Variants in SLC5A3 observed in about 807,000 individuals in gnomAD.
SLC5A3 encodes solute carrier family 5 member 3.
Under a neutral mutation model 43.2 loss-of-function variants are expected in SLC5A3, and 10 were observed. That is an observed-to-expected ratio of 0.23 (90% CI 0.14 to 0.39). The LOEUF (loss-of-function observed/expected upper bound fraction) is 0.39. SLC5A3 is among the 10% of genes least tolerant of loss of function. The pLI is 1.00. For missense variants in SLC5A3, 608 were observed against 893.4 expected, an observed-to-expected ratio of 0.68 and a Z score of 4.07; for synonymous variants, 349 against 322.0, an observed-to-expected ratio of 1.08 and a Z score of -0.90.
Position 34,097,319 on chromosome 21 carries a change from A to T in SLC5A3, c.2121A>T (p.Ser707=). The change falls in exon 2 of 2, where the codon TCA becomes TCT. Residue 707 remains serine, a synonymous_variant. Coordinates refer to ENST00000381151, the MANE Select transcript of SLC5A3 (RefSeq NM_006933.7). ...ILNIGLFAVC[S]LGIFMFVYFS... ...ATATTGGACTTTTTGCTGTGTGTTC[A>T]CTTGGAATTTTCATGTTTGTTTATT... 3 of 1,608,480 alleles carry T rather than the reference A, an allele frequency of 1.9e-6. No homozygotes were observed. The highest frequency in any genetic ancestry group is 2.5e-6 in the Non-Finnish European group (3 of 1,177,692).
At chr21:34,094,650 C>T (rs2105487) in intron 1 of SLC5A3, among the ~76,000 whole-genome samples, 152,350 of 152,350 alleles carry the variant, frequency 1, 76,175 homozygotes, top group Non-Finnish European at 1. Flanking sequence ...TTTCTGTCCT[C>T]AGCTCAAAAT....
chr21:34,095,682 G>C lies in SLC5A3; in HGVS notation c.484G>C (p.Val162Leu), dbSNP rs761920535. 8 of 1,613,604 alleles carry C rather than the reference G, an allele frequency of 5.0e-6. No homozygotes were observed. Among genetic ancestry groups the C allele is most frequent in the Non-Finnish European group, 6.8e-6 (8 of 1,179,920 alleles). The change falls in exon 2 of 2, where the codon GTC becomes CTC. Residue 162 changes from valine (V) to leucine (L), a missense_variant. This residue lies in a region of SLC5A3 where 398 missense variants were observed against 668.6 expected (regional missense o/e 0.60). Transcript: ENST00000381151. The part of the protein sequence containing the change: ...ESLGWNLYVS[V>L]ILLIGMTALL... ...TTTGGGTTGGAATCTTTATGTGTCT[G>C]TCATCCTGCTCATTGGCATGACTGC...
intron 1 of SLC5A3, among the ~76,000 whole-genome samples, chr21:34,074,468 G>T (rs115074417): frequency 0.021 from 3,238 of 152,268 alleles, 124 homozygotes; most frequent in African/African-American, 0.073. Context: ...GCTTTTGATT[G>T]ATCTTGAGGT....
At position 34,105,675 on chromosome 21, in the gene SLC5A3, A is replaced by C; in HGVS notation, c.*8320A>C. ...GTGATTATAAATGAAGTTGATGAACATTAATTTTGTTATTAGTGAGTTTTT... is the reference window on the plus strand; with the variant it reads ...GTGATTATAAATGAAGTTGATGAACCTTAATTTTGTTATTAGTGAGTTTTT... On this transcript the variant is annotated 3_prime_UTR_variant, in exon 2 of 2. Coordinates refer to ENST00000381151, the MANE Select transcript of SLC5A3 (RefSeq NM_006933.7). 1.0e-6 allele frequency: 1 copy of C among 997,756 alleles called. No individual in the cohort carries two copies. Among genetic ancestry groups the C allele is most frequent in the Non-Finnish European group, 1.2e-6 (1 of 827,756 alleles). 61.8% of individuals were successfully genotyped at this position (997,756 alleles called of 1,614,324 possible). A position where few individuals can be genotyped will look rare whatever the true frequency, so the allele number is the denominator to read the frequency against.
rs1978928688 is a variant in SLC5A3 at position 34,095,595 on chromosome 21, C to A, written c.397C>A (p.Leu133Ile). ...CTATTTTGCAGCCTTGTCTCTGATT[C>A]TCTATATTTTCACCAAGCTCTCGGT... Reference protein sequence around the residue: ...QVYFAALSLILYIFTKLSVDL... With the variant: ...QVYFAALSLIIYIFTKLSVDL... The change falls in exon 2 of 2, where the codon CTC (leucine) becomes ATC (isoleucine). Residue 133 changes from leucine (L) to isoleucine (I), a missense_variant. By Grantham distance (5) the Leu-to-Ile change is conservative (BLOSUM62 2). Coordinates refer to ENST00000381151, the MANE Select transcript of SLC5A3 (RefSeq NM_006933.7). The A allele has an allele frequency of 6.2e-7, 1 of 1,613,460 alleles. No individual in the cohort carries two copies.
At position 34,100,975 on chromosome 21, in the gene SLC5A3, T is replaced by G. The variant is rs920931645; in HGVS notation, c.*3620T>G. 9.0e-6 allele frequency: 9 copies of G among 1,000,092 alleles called. No individual in the cohort carries two copies. In the African/African-American group the frequency reaches 1.4e-4, roughly 16 times the overall value. The allele number at this position is 1,000,092 out of a possible 1,614,324, so 62.0% of individuals were successfully genotyped here. A position where few individuals can be genotyped will look rare whatever the true frequency, so the allele number is the denominator to read the frequency against. On this transcript the variant is annotated 3_prime_UTR_variant, in exon 2 of 2. Coordinates refer to ENST00000381151, the MANE Select transcript of SLC5A3 (RefSeq NM_006933.7). ...TTATGATGATTCTCCTGGCTCATTT[T>G]CATCAGAGGCATGATGACTGGAAAG... is the stretch of plus-strand genomic sequence containing the variant.
chr21:34,083,807 A>G (rs1423196333), intron 1 of SLC5A3, among the ~76,000 whole-genome samples: 1 of 152,208 alleles, frequency 6.6e-6, no homozygotes, highest in Non-Finnish European at 1.5e-5. Flanking sequence ...TTGTGTGTGT[A>G]AGAAGATTGA....
chr21:34,074,851 C>CT (rs1355855564), intron 1 of SLC5A3, among the ~76,000 whole-genome samples: 2 of 152,228 alleles, frequency 1.3e-5, no homozygotes, highest in African/African-American at 4.8e-5. Flanking sequence ...AATTGATAAA[C>CT]TAACAATCAC....
At chr21:34,090,137 C>A (rs1479978167) in intron 1 of SLC5A3, among the ~76,000 whole-genome samples, 3 of 152,220 alleles carry the variant, frequency 2.0e-5, no homozygotes, top group Admixed American at 6.5e-5. Flanking sequence ...GATACTTAAT[C>A]TGTAGTGTTG....
At chr21:34,085,342 G>A (rs1051994060) in intron 1 of SLC5A3, among the ~76,000 whole-genome samples, 1 of 152,102 alleles carries the variant, frequency 6.6e-6, no homozygotes, top group South Asian at 2.1e-4. Flanking sequence ...GCATCACACC[G>A]GGAGGCATAC....
intron 1 of SLC5A3, among the ~76,000 whole-genome samples, chr21:34,094,434 C>T (rs1328255668): frequency 6.6e-6 from 1 of 152,214 alleles, no homozygotes; most frequent in African/African-American, 2.4e-5. Flanking sequence ...AAAGTTACCC[C>T]CAAACTCTCT....
At position 34,104,746 on chromosome 21, in the gene SLC5A3, G is replaced by C; in HGVS notation, c.*7391G>C. 1.0e-6 allele frequency: 1 copy of C among 1,000,228 alleles called. No homozygotes were observed. Among genetic ancestry groups the C allele is most frequent in the Non-Finnish European group, 1.2e-6 (1 of 830,006 alleles). The allele number at this position is 1,000,228 out of a possible 1,614,324, so 62.0% of individuals were successfully genotyped here. A position where few individuals can be genotyped will look rare whatever the true frequency, so the allele number is the denominator to read the frequency against. ...GAAGTGCAGGAAAGAGAAGTTTGAG[G>C]AACACCCTTGGCTTAGCAACATGTG... is the stretch of plus-strand genomic sequence containing the variant. On this transcript the variant is annotated 3_prime_UTR_variant, in exon 2 of 2. Coordinates refer to ENST00000381151, the MANE Select transcript of SLC5A3 (RefSeq NM_006933.7).
rs1013763548 is a variant in SLC5A3 at position 34,105,562 on chromosome 21, G to T, written c.*8207G>T. The T allele has an allele frequency of 1.0e-6, 1 of 999,732 alleles. No homozygotes were observed. The highest frequency in any genetic ancestry group is 1.2e-6 in the Non-Finnish European group (1 of 829,756). The allele number at this position is 999,732 out of a possible 1,614,324, so 61.9% of individuals were successfully genotyped here. ...CCCAGTGTCCTGCTTATGATGCTTT[G>T]TTCAGATTTTTTGTAAGAGACCAGT... On this transcript the variant is annotated 3_prime_UTR_variant, in exon 2 of 2. Coordinates refer to ENST00000381151, the MANE Select transcript of SLC5A3 (RefSeq NM_006933.7).
rs1439245884 is a variant in SLC5A3, at chr21:34,106,253, A to C, written c.*8898A>C. ...TCTGTACCAACTTTGAATAAAATGA[A>C]AAATTTATATTTCTGTGACTAAGTA... On this transcript the variant is annotated 3_prime_UTR_variant, in exon 2 of 2. Transcript: ENST00000381151. The C allele has an allele frequency of 2.4e-6, 2 of 816,574 alleles. No individual in the cohort carries two copies. Among genetic ancestry groups the C allele is most frequent in the Non-Finnish European group, 3.0e-6 (2 of 662,744 alleles). 50.6% of individuals were successfully genotyped at this position (816,574 alleles called of 1,614,324 possible). A position where few individuals can be genotyped will look rare whatever the true frequency, so the allele number is the denominator to read the frequency against.
In SLC5A3 at chr21:34,103,853, A is replaced by C. The variant is rs2148662423; in HGVS notation, c.*6498A>C. The C allele has an allele frequency of 1.0e-6, 1 of 1,000,192 alleles. No homozygotes were observed. Among genetic ancestry groups the C allele is most frequent in the Non-Finnish European group, 1.2e-6 (1 of 829,948 alleles). 62.0% of individuals were successfully genotyped at this position (1,000,192 alleles called of 1,614,324 possible). On this transcript the variant is annotated 3_prime_UTR_variant, in exon 2 of 2. Coordinates refer to ENST00000381151, the MANE Select transcript of SLC5A3 (RefSeq NM_006933.7). ...AAATTATATTTGGGGGTTACTAGCT[A>C]AAATGGGGTTTGAGGGCTTTTTACT...
Position 34,102,906 on chromosome 21 carries a change from G to T in SLC5A3, c.*5551G>T. 1 of 999,592 alleles carries T rather than the reference G, an allele frequency of 1.0e-6. No homozygotes were observed. 61.9% of individuals were successfully genotyped at this position (999,592 alleles called of 1,614,324 possible). On this transcript the variant is annotated 3_prime_UTR_variant, in exon 2 of 2. Transcript: ENST00000381151. ...GTGAATTCGACAACCGCACAAGTTG[G>T]CAGTAGGTATCCCCAACCTAATTTA...
rs1346416465 is a variant in SLC5A3 at position 34,100,960 on chromosome 21, T to C, written c.*3605T>C. Reference sequence around the variant, plus strand: ...GCTTACAGGGTTAACTTATGATGATTCTCCTGGCTCATTTTCATCAGAGGC... The same window carrying C: ...GCTTACAGGGTTAACTTATGATGATCCTCCTGGCTCATTTTCATCAGAGGC... On this transcript the variant is annotated 3_prime_UTR_variant, in exon 2 of 2. Transcript: ENST00000381151. The C allele has an allele frequency of 2.0e-6, 2 of 999,990 alleles. No individual in the cohort carries two copies. The highest frequency in any genetic ancestry group is 2.4e-6 in the Non-Finnish European group (2 of 829,930). The allele number at this position is 999,990 out of a possible 1,614,324, so 61.9% of individuals were successfully genotyped here. A position where few individuals can be genotyped will look rare whatever the true frequency, so the allele number is the denominator to read the frequency against.
In SLC5A3 at chr21:34,105,165, T is replaced by C; in HGVS notation, c.*7810T>C. 2.0e-6 allele frequency: 2 copies of C among 1,000,280 alleles called. No individual in the cohort carries two copies. The highest frequency in any genetic ancestry group is 9.4e-5 in the South Asian group (2 of 21,292). The allele number at this position is 1,000,280 out of a possible 1,614,324, so 62.0% of individuals were successfully genotyped here. On this transcript the variant is annotated 3_prime_UTR_variant, in exon 2 of 2. Transcript: ENST00000381151. ...TTGTTCCCTTGCTTTCCCCCACTGT[T>C]ACTGCTTCAGTTTATAGATTGCCAG...
chr21:34,080,658 C>T (rs1186284089), intron 1 of SLC5A3, among the ~76,000 whole-genome samples: 3 of 152,196 alleles, frequency 2.0e-5, no homozygotes, highest in Non-Finnish European at 4.4e-5. Flanking sequence ...TCACATGGAT[C>T]ACTTTCTACT....
Sources: gnomAD v4.1 joint callset for allele counts (sites outside exome capture counted in the v4.1 genomes callset) on GRCh38, gnomAD v4.1.1 for gene constraint, gnomAD v4.1.1 regional missense constraint, MANE v1.5 for transcripts, NCBI Gene and HGNC (gene_info 2026-07-23, HGNC 2026-07-21) for gene names.